Variants in PRDX6 observed in about 807,000 individuals in gnomAD.
PRDX6 encodes the protein peroxiredoxin-6.
In PRDX6, 13 loss-of-function variants were observed where a neutral mutation model predicts 20.0. The observed-to-expected ratio is 0.65, with a 90% CI of 0.42 to 1.03. The LOEUF (loss-of-function observed/expected upper bound fraction) is 1.03, where lower values mean the gene tolerates loss of function less well. PRDX6 is among the 50% of genes least tolerant of loss of function. The pLI is 0.00. For missense variants in PRDX6, 203 were observed against 276.9 expected, an observed-to-expected ratio of 0.73 and a Z score of 1.89; for synonymous variants, 85 against 100.8, an observed-to-expected ratio of 0.84 and a Z score of 0.94.
chr1:173,484,191 CATACATATAT>C (rs1232632163), intron 2 of PRDX6, among the ~76,000 whole-genome samples: 4 of 139,640 alleles, frequency 2.9e-5, no homozygotes, highest in Non-Finnish European at 6.1e-5. Context: ...CACACACACA[CATACATATAT>C]ATACATATGC....
intron 4 of PRDX6, 44 bp downstream of exon 4, chr1:173,486,445 G>T: frequency 2.5e-6 from 4 of 1,569,766 alleles, no homozygotes; most frequent in Non-Finnish European, 3.5e-6. Context: ...TGCCTGAAGG[G>T]CCAGTCTCTA....
At chr1:173,484,226 T>C (rs1488859005) in intron 2 of PRDX6, among the ~76,000 whole-genome samples, 3 of 147,726 alleles carry the variant, frequency 2.0e-5, no homozygotes, top group Non-Finnish European at 4.5e-5. Context: ...GTATATAATA[T>C]ATATACACAT....
At chr1:173,484,138 T>TATATATATATATTTATA (rs1269688818) in intron 2 of PRDX6, among the ~76,000 whole-genome samples, 1 of 86,930 alleles carries the variant, frequency 1.2e-5, no homozygotes, top group South Asian at 2.8e-4. Context: ...AAAAAAAAAA[T>TATATATATATATTTATA]TAGATATATA....
intron 4 of PRDX6, among the ~76,000 whole-genome samples, chr1:173,486,769 C>T (rs1658909122): frequency 6.6e-6 from 1 of 152,126 alleles, no homozygotes; most frequent in Non-Finnish European, 1.5e-5. Flanking sequence ...TGTAAAAGTA[C>T]TGGTGTATTA....
At chr1:173,477,908 G>T (rs1658730613) in intron 1 of PRDX6, among the ~76,000 whole-genome samples, 1 of 152,212 alleles carries the variant, frequency 6.6e-6, no homozygotes, top group Non-Finnish European at 1.5e-5. Flanking sequence ...GGGCGGGGCG[G>T]CATTGACGAT....
At chr1:173,484,141 GATATATATATTTATAT>G (rs1001947205) in intron 2 of PRDX6, among the ~76,000 whole-genome samples, 10 of 124,906 alleles carry the variant, frequency 8.0e-5, no homozygotes, top group South Asian at 4.7e-4. Flanking sequence ...AAAAAAATTA[GATATATATATTTATAT>G]ATATATATAT....
chr1:173,480,965 G>A (rs1557996427), intron 1 of PRDX6, among the ~76,000 whole-genome samples: 1 of 152,188 alleles, frequency 6.6e-6, no homozygotes, highest in African/African-American at 2.4e-5. Context: ...AGGATAAGAA[G>A]AAATAATTAA....
At position 173,486,415 on chromosome 1, in the gene PRDX6, T is replaced by C. The variant is rs1326977847; in HGVS notation, c.546+14T>C. On this transcript the variant is annotated intron_variant, in intron 4 of 4. Transcript: ENST00000340385. ...GTTGATTGGAAGGTAAAGATGTTTT[T>C]AAAAAGCAGTTTCTCTACTTGCCTG... 6.3e-7 allele frequency: 1 copy of C among 1,595,000 alleles called. No individual in the cohort carries two copies. The highest frequency in any genetic ancestry group is 8.5e-7 in the Non-Finnish European group (1 of 1,171,744).
Position 173,488,040 on chromosome 1 carries a change from C to G in PRDX6, c.*177C>G. 1.5e-6 allele frequency: 1 copy of G among 660,666 alleles called. No individual in the cohort carries two copies. The highest frequency in any genetic ancestry group is 3.0e-5 in the Admixed American group (1 of 33,368). The allele number at this position is 660,666 out of a possible 1,614,324, so 40.9% of individuals were successfully genotyped here. On this transcript the variant is annotated 3_prime_UTR_variant, in exon 5 of 5. Transcript: ENST00000340385. ...AGTTTCTTGAGATTCTTTATACTCT[C>G]TGCCTTCAGCAATCAATTCCATTCA...
At position 173,487,925 on chromosome 1, in the gene PRDX6, C is replaced by T; in HGVS notation, c.*62C>T. ...GTCAGCTGCCAATTGTGTTTTCCTGCAGCAATTCCATAAACACATCCTGGT... is the reference window on the plus strand; with the variant it reads ...GTCAGCTGCCAATTGTGTTTTCCTGTAGCAATTCCATAAACACATCCTGGT... On this transcript the variant is annotated 3_prime_UTR_variant, in exon 5 of 5. Transcript: ENST00000340385. 1 of 1,596,884 alleles carries T rather than the reference C, an allele frequency of 6.3e-7. No individual in the cohort carries two copies. The highest frequency in any genetic ancestry group is 8.5e-7 in the Non-Finnish European group (1 of 1,169,896).
chr1:173,484,398 C>T (rs887854314), intron 2 of PRDX6, among the ~76,000 whole-genome samples: 1 of 151,614 alleles, frequency 6.6e-6, no homozygotes, highest in Non-Finnish European at 1.5e-5. Flanking sequence ...TGGGAGTGTT[C>T]GTATACTTCA....
intron 2 of PRDX6, 42 bp from the exon 3 acceptor site, chr1:173,485,319 G>C: frequency 6.7e-7 from 1 of 1,501,352 alleles, no homozygotes; most frequent in South Asian, 1.3e-5. Flanking sequence ...CAGAGCATGT[G>C]TTGGGTTTAG....
At position 173,477,374 on chromosome 1, in the gene PRDX6, C is replaced by G; in HGVS notation, c.-24C>G. The G allele has an allele frequency of 1.9e-6, 3 of 1,586,394 alleles. No homozygotes were observed. The highest frequency in any genetic ancestry group is 2.6e-6 in the Non-Finnish European group (3 of 1,162,002). The stretch of plus-strand genomic sequence containing the variant: ...ACCAACCGGTTGCTTGCTGTCCCAG[C>G]GGCGCCCCCTCATCACCGTCGCCAT... On this transcript the variant is annotated 5_prime_UTR_variant, in exon 1 of 5. Transcript: ENST00000340385.
At chr1:173,483,568 G>T (rs754614746) in intron 2 of PRDX6, among the ~76,000 whole-genome samples, 1 of 151,876 alleles carries the variant, frequency 6.6e-6, no homozygotes, top group Non-Finnish European at 1.5e-5. Context: ...TAAATAAAAA[G>T]AATTTGTTGT....
chr1:173,481,524 G>A (rs772149286), intron 2 of PRDX6, 42 bp downstream of exon 2: 1 of 1,587,824 alleles, frequency 6.3e-7, no homozygotes, highest in Non-Finnish European at 8.6e-7. Context: ...GAGATTATAG[G>A]TCAAGTTATA....
rs1256008341 is a variant in PRDX6, at chr1:173,484,175, T to TACAC, written c.253-1185_253-1184insCACA. On this transcript the variant is annotated intron_variant, in intron 2 of 4. Coordinates refer to ENST00000340385, the MANE Select transcript of PRDX6 (RefSeq NM_004905.3). ...ATTTATATATATATATATTTATATA[T>TACAC]ATACACACACACACACATACATATA... Among the ~76,000 whole-genome samples the TACAC allele has an allele frequency of 5.3e-3, 714 of 134,880 alleles. 6 individuals are homozygous for TACAC. Among genetic ancestry groups the TACAC allele is most frequent in the African/African-American group, 0.018 (610 of 34,048 alleles). The allele number at this position is 134,880 out of a possible 152,430, so 88.5% of individuals were successfully genotyped here.
intron 1 of PRDX6, among the ~76,000 whole-genome samples, chr1:173,480,865 C>T (rs757482266): frequency 6.6e-6 from 1 of 152,100 alleles, no homozygotes; most frequent in Non-Finnish European, 1.5e-5. Context: ...TTTATTATTG[C>T]AGTCAGGCAT....
rs1312353048 is a variant in PRDX6 at position 173,486,946 on chromosome 1, T to G, written c.546+545T>G. On this transcript the variant is annotated intron_variant, in intron 4 of 4. Transcript: ENST00000340385. ...TAATGCTAACCTGAATAGCAGGTTT[T>G]GTTTTGTTTTTTTCTGACAGACAAA... 8.5e-5 allele frequency among the ~76,000 whole-genome samples: 13 copies of G among 152,254 alleles called. 1 individual carries two copies. In the South Asian group the frequency reaches 2.5e-3, roughly 29 times the overall value.
At chr1:173,487,662 T>TA in intron 4 of PRDX6, 73 bp from the exon 5 acceptor site, 2 of 1,556,982 alleles carry the variant, frequency 1.3e-6, no homozygotes, top group Non-Finnish European at 1.8e-6. Flanking sequence ...GCTACTTTTC[T>TA]AAAGTTAATT....
Sources: gnomAD v4.1 joint callset for allele counts (sites outside exome capture counted in the v4.1 genomes callset) on GRCh38, gnomAD v4.1.1 for gene constraint, MANE v1.5 for transcripts, NCBI Gene and HGNC (gene_info 2026-07-23, HGNC 2026-07-21) for gene names.